The following RTTN variants were observed in gnomAD, a reference collection of about 807,000 sequenced individuals.
The protein encoded by RTTN is rotatin.
RTTN carries 182 observed loss-of-function variants against 269.2 expected under a neutral mutation model. That is an observed-to-expected ratio of 0.68 (90% CI 0.60 to 0.76). The LOEUF (loss-of-function observed/expected upper bound fraction) is 0.76, where lower values mean the gene tolerates loss of function less well. RTTN is among the 30% of genes least tolerant of loss of function. The pLI is 0.00. For synonymous variants in RTTN, 1,006 were observed against 963.5 expected (o/e 1.04, Z -0.82); for missense variants, 2,545 against 2,608.6 (o/e 0.98, Z 0.53).
At chr18:70,063,810 T>C (rs1370873501) in intron 35 of RTTN, among the ~76,000 whole-genome samples, 2 of 152,076 alleles carry the variant, frequency 1.3e-5, no homozygotes, top group East Asian at 1.9e-4. Flanking sequence ...ATTTATTTTG[T>C]AAAACTAAGG....
chr18:70,008,900 G>A (rs1270371576), intron 46 of RTTN: 6 of 152,022 alleles, frequency 3.9e-5, no homozygotes, highest in Admixed American at 3.9e-4. Flanking sequence ...TCAAATTCAG[G>A]AAATACAGAG....
At chr18:70,055,405 T>TG (rs1255033033) in intron 37 of RTTN, among the ~76,000 whole-genome samples, 7 of 152,280 alleles carry the variant, frequency 4.6e-5, no homozygotes, top group African/African-American at 1.4e-4. Context: ...GTTGTAAATT[T>TG]GTGGAGTATG....
intron 35 of RTTN, among the ~76,000 whole-genome samples, chr18:70,064,336 CAAAAAAA>C (rs11308196): frequency 3.2e-5 from 2 of 61,718 alleles, no homozygotes; most frequent in Non-Finnish European, 5.3e-5. Context: ...AGACTGCCTC[CAAAAAAA>C]AAAAAAAAAA....
chr18:70,101,005 T>C (rs138212827), intron 28 of RTTN, among the ~76,000 whole-genome samples: 2 of 152,186 alleles, frequency 1.3e-5, no homozygotes, highest in Admixed American at 6.5e-5. Context: ...ATTTTTGCAC[T>C]GATGTTCATC....
chr18:70,107,562 G>A (rs147782258), intron 28 of RTTN, among the ~76,000 whole-genome samples: 1 of 152,312 alleles, frequency 6.6e-6, no homozygotes, highest in East Asian at 1.9e-4. Flanking sequence ...CATGCTTAGA[G>A]GATTAGAGCT....
In RTTN at chr18:70,140,175, A is replaced by C; in HGVS notation, c.2595T>G (p.His865Gln). The C allele has an allele frequency of 1.3e-6, 2 of 1,564,674 alleles. No individual in the cohort carries two copies. Among genetic ancestry groups the C allele is most frequent in the Non-Finnish European group, 1.8e-6 (2 of 1,136,704 alleles). The change falls in exon 20 of 49, where the codon CAT (histidine) becomes CAG (glutamine). Residue 865 changes from histidine (H) to glutamine (Q), a missense_variant. By Grantham distance (24) the His-to-Gln change is conservative. Coordinates refer to ENST00000640769, the MANE Select transcript of RTTN (RefSeq NM_173630.4). ...LAVIMQDIKM[H>Q]AVVKKLCLID... ...TTAAGCATAACTTTTTCACCACAGC[A>C]TGCATTTTAATATCTGTAGATAAAA...
chr18:70,080,927 A>AAC (rs2058547785), intron 32 of RTTN, among the ~76,000 whole-genome samples: 1 of 89,866 alleles, frequency 1.1e-5, no homozygotes, highest in Non-Finnish European at 2.3e-5. Context: ...TGTGTGTGGT[A>AAC]TCACACACAC....
chr18:70,171,070 T>C (rs1337571486), intron 11 of RTTN, among the ~76,000 whole-genome samples: 1 of 152,152 alleles, frequency 6.6e-6, no homozygotes, highest in Non-Finnish European at 1.5e-5. Flanking sequence ...GTCACCCAAG[T>C]GAAGACATCA....
chr18:70,140,653 T>TA (rs1345200579), intron 19 of RTTN, among the ~76,000 whole-genome samples: 5 of 152,076 alleles, frequency 3.3e-5, no homozygotes, highest in Admixed American at 6.6e-5. Context: ...CTCAAACTAT[T>TA]AATAGCAAAT....
intron 25 of RTTN, among the ~76,000 whole-genome samples, chr18:70,123,520 C>T (rs2059790640): frequency 6.6e-6 from 1 of 152,082 alleles, no homozygotes; most frequent in Admixed American, 6.6e-5. Flanking sequence ...CCTCTGGTAA[C>T]AATTCTACTC....
In RTTN at chr18:70,197,673, A is replaced by G. The variant is rs1462605373; in HGVS notation, c.644T>C (p.Met215Thr). Residue 215 changes from methionine (M) to threonine (T), a missense_variant, in exon 6 of 49, where the codon ATG becomes ACG. Transcript: ENST00000640769. ...NTCELLKDVI[M>T]QDFPAEIFLQ... ...GAAAATCTCAGCAGGAAAATCTTGC[A>G]TGATAACATCCTTCAATAGTTCACA... The G allele has an allele frequency of 5.0e-6, 8 of 1,613,886 alleles. No individual in the cohort carries two copies. Among genetic ancestry groups the G allele is most frequent in the Non-Finnish European group, 6.8e-6 (8 of 1,179,880 alleles).
intron 19 of RTTN, among the ~76,000 whole-genome samples, chr18:70,141,637 G>C (rs2060259670): frequency 6.6e-6 from 1 of 152,120 alleles, no homozygotes; most frequent in African/African-American, 2.4e-5. Flanking sequence ...GTTGGGGGTT[G>C]GGGGAGGGAT....
At chr18:70,064,667 C>T (rs1008414288) in intron 35 of RTTN, among the ~76,000 whole-genome samples, 4 of 152,016 alleles carry the variant, frequency 2.6e-5, no homozygotes, top group South Asian at 2.1e-4. Context: ...TTAGTGATTC[C>T]GTAGAGTGCC....
intron 40 of RTTN, among the ~76,000 whole-genome samples, chr18:70,032,832 A>G (rs1265053233): frequency 6.6e-6 from 1 of 152,246 alleles, no homozygotes; most frequent in Non-Finnish European, 1.5e-5. Flanking sequence ...AATGGATCTG[A>G]TAGACATCTA....
intron 40 of RTTN, among the ~76,000 whole-genome samples, chr18:70,044,616 TA>T (rs767854608): frequency 7.9e-5 from 12 of 152,160 alleles, no homozygotes; most frequent in Non-Finnish European, 1.5e-4. Flanking sequence ...CTAACAATAA[TA>T]ATAACAGAAT....
chr18:70,130,607 G>A (rs1568432465), intron 23 of RTTN: 1 of 151,628 alleles, frequency 6.6e-6, no homozygotes, highest in Non-Finnish European at 1.5e-5. Context: ...GAGATAAAGA[G>A]TAGAATGATG....
At chr18:70,178,371 G>A (rs1340929392) in intron 10 of RTTN, among the ~76,000 whole-genome samples, 2 of 152,120 alleles carry the variant, frequency 1.3e-5, no homozygotes, top group Non-Finnish European at 2.9e-5. Context: ...GACAAATATA[G>A]ATTCCACTTA....
chr18:70,009,734 T>G (rs539489804), intron 46 of RTTN, among the ~76,000 whole-genome samples: 48 of 152,254 alleles, frequency 3.2e-4, no homozygotes, highest in Admixed American at 5.2e-4. Flanking sequence ...GTAACAATAT[T>G]AACCTTAAAT....
chr18:70,121,797 G>T, intron 25 of RTTN, 97 bp from the exon 26 acceptor site: 1 of 1,177,714 alleles, frequency 8.5e-7, no homozygotes, highest in South Asian at 1.7e-5. Context: ...TGTCTTGTGA[G>T]GATGCTATTT....
Sources: allele counts gnomAD v4.1 joint callset (sites outside exome capture counted in the v4.1 genomes callset), GRCh38; gene constraint gnomAD v4.1.1; transcripts MANE v1.5; gene names NCBI Gene and HGNC (gene_info 2026-07-23, HGNC 2026-07-21).